Variants in AIRE observed in about 807,000 individuals in gnomAD.
AIRE encodes the protein autoimmune polyendocrinopathy candidiasis ectodermal dystrophy protein.
In AIRE, 52 loss-of-function variants were observed where a neutral mutation model predicts 62.1. The observed-to-expected ratio is 0.84, with a 90% CI of 0.67 to 1.06. The LOEUF (loss-of-function observed/expected upper bound fraction) is 1.06, where lower values mean the gene tolerates loss of function less well. AIRE is among the 50% of genes least tolerant of loss of function. AIRE has a pLI of 0.00. For missense variants in AIRE, 774 were observed against 755.8 expected (o/e 1.02, Z -0.28); for synonymous variants, 342 against 321.6 (o/e 1.06, Z -0.68).
Position 44,292,294 on chromosome 21 carries a change from A to C in AIRE, c.996-8A>C. ...CTGCATGTCTCTGACTGGTGGACAC[A>C]CGAGCAGTGGGACCTGGAGGTGCTC... On this transcript the variant is annotated splice_polypyrimidine_tract_variant and splice_region_variant and intron_variant, in intron 8 of 13. Transcript: ENST00000291582. 1 of 1,566,066 alleles carries C rather than the reference A, an allele frequency of 6.4e-7. No homozygotes were observed.
chr21:44,292,376 C>T lies in AIRE; in HGVS notation c.1070C>T (p.Pro357Leu). The change falls in exon 9 of 14, where the codon CCC becomes CTC. Residue 357 changes from proline (P) to leucine (L), a missense_variant. By Grantham distance (98) the Pro-to-Leu change is moderately conservative (BLOSUM62 -3). Transcript: ENST00000291582. ...CAGCCCCGGGCAGAGGAGCCCCGGC[C>T]CCAGGAGCCACCCGTGGAGACCCCG... ...EVQPRAEEPRPQEPPVETPLP... is the reference protein window; with the variant it reads ...EVQPRAEEPRLQEPPVETPLP... The T allele has an allele frequency of 6.4e-7, 1 of 1,560,314 alleles. No individual in the cohort carries two copies. The highest frequency in any genetic ancestry group is 8.7e-7 in the Non-Finnish European group (1 of 1,152,098).
chr21:44,291,076 C>G lies in AIRE; in HGVS notation c.880-19C>G. The G allele has an allele frequency of 6.2e-7, 1 of 1,613,220 alleles. No individual in the cohort carries two copies. The highest frequency in any genetic ancestry group is 8.5e-7 in the Non-Finnish European group (1 of 1,179,820). ...TGCACCCCAGCCCAGTCTGCATGGGCGTCTCTTGCCTGTGCCAGAAGAATG... is the reference window on the plus strand; with the variant it reads ...TGCACCCCAGCCCAGTCTGCATGGGGGTCTCTTGCCTGTGCCAGAAGAATG... On this transcript the variant is annotated intron_variant, in intron 7 of 13. Transcript: ENST00000291582.
At chr21:44,295,605 A>G (rs532459427) in intron 12 of AIRE, among the ~76,000 whole-genome samples, 6 of 152,354 alleles carry the variant, frequency 3.9e-5, no homozygotes. Flanking sequence ...GTCTCTGAAC[A>G]GCAGAGACCT....
rs757010218 is a variant in AIRE at position 44,297,645 on chromosome 21, C to G, written c.1567-11C>G. ...GCACCTGGAGGTTCTCACCGTCACT[C>G]TGTCCCGCAGCACACCTTCGATGGC... is the stretch of plus-strand genomic sequence containing the variant. On this transcript the variant is annotated splice_polypyrimidine_tract_variant and intron_variant, in intron 13 of 13. Transcript: ENST00000291582. The surrounding 1 kb of genome is among the most constrained non-coding windows in gnomAD (Gnocchi z 4.8). 1.2e-6 allele frequency: 2 copies of G among 1,609,778 alleles called. No individual in the cohort carries two copies. Among genetic ancestry groups the G allele is most frequent in the Non-Finnish European group, 1.7e-6 (2 of 1,178,186 alleles).
intron 7 of AIRE, chr21:44,290,833 C>G: frequency 6.4e-7 from 1 of 1,574,798 alleles, no homozygotes; most frequent in South Asian, 1.1e-5. Context: ...GTTCCGGGGC[C>G]CCTGGAACGC....
chr21:44,291,998 C>T (rs1210040926), intron 8 of AIRE, among the ~76,000 whole-genome samples: 1 of 152,172 alleles, frequency 6.6e-6, no homozygotes, highest in African/African-American at 2.4e-5. Context: ...GGGAGGCCCC[C>T]GGCAGGGCCC....
At chr21:44,294,594 C>T in intron 12 of AIRE, 91 bp downstream of exon 12, 1 of 608,094 alleles carries the variant, frequency 1.6e-6, no homozygotes, top group Non-Finnish European at 2.6e-6. Context: ...CAGGGCAGAC[C>T]CTGGGTGCCA....
rs1460201142 is a variant in AIRE at position 44,290,058 on chromosome 21, A to G, written c.869A>G (p.Gln290Arg). 6.2e-7 allele frequency: 1 copy of G among 1,610,200 alleles called. No homozygotes were observed. The highest frequency in any genetic ancestry group is 8.5e-7 in the Non-Finnish European group (1 of 1,178,222). The change falls in exon 7 of 14, where the codon CAG becomes CGG. Residue 290 changes from glutamine to arginine, a missense_variant. Gln to Arg is a conservative substitution (Grantham distance 43). Around this residue, in one of 3 missense-constraint regions of AIRE, gnomAD observed 385 missense variants for 396.0 expected, o/e 0.97. Transcript: ENST00000291582. The stretch of plus-strand genomic sequence containing the variant: ...CCTCTGGCCCTCCCCAGTGACCCCC[A>G]GCTCCACCAGGTAATGCCCTAGACC... ...PAPLALPSDP[Q>R]LHQKNEDECA... is the part of the protein sequence containing the mutation.
At chr21:44,294,028 C>T in intron 11 of AIRE, 118 bp downstream of exon 11, 1 of 1,345,092 alleles carries the variant, frequency 7.4e-7, no homozygotes. Context: ...CCCCACACTC[C>T]CACCCACACC....
intron 12 of AIRE, 98 bp from the exon 13 acceptor site, chr21:44,296,285 T>C: frequency 9.3e-7 from 1 of 1,077,914 alleles, no homozygotes; most frequent in Non-Finnish European, 1.4e-6. Flanking sequence ...CATCTCAGTG[T>C]GGGGGAAACA....
Position 44,294,466 on chromosome 21 carries a change from C to T in AIRE, c.1466C>T (p.Ala489Val), listed in dbSNP as rs2146385893. The part of the protein sequence containing the change: ...VTPAPVEGVL[A>V]PSPARLAPGP... ...CCAGCCCCTGTGGAGGGGGTGCTGG[C>T]CCCCAGCCCCGCCCGCCTGGCCCCT... The change falls in exon 12 of 14, where the codon GCC becomes GTC. Residue 489 changes from alanine to valine, a missense_variant. Around this residue, in one of 3 missense-constraint regions of AIRE, gnomAD observed 354 missense variants for 296.1 expected, o/e 1.20. Coordinates refer to ENST00000291582, the MANE Select transcript of AIRE (RefSeq NM_000383.4). 1 of 1,555,750 alleles carries T rather than the reference C, an allele frequency of 6.4e-7. No homozygotes were observed.
chr21:44,290,392 G>A (rs1032800824), intron 7 of AIRE: 8 of 985,422 alleles, frequency 8.1e-6, no homozygotes, highest in Non-Finnish European at 9.6e-6. Flanking sequence ...AGGATCCACT[G>A]GGAATGCCAT....
chr21:44,294,780 G>A (rs554863665), intron 12 of AIRE, among the ~76,000 whole-genome samples: 48 of 152,320 alleles, frequency 3.2e-4, no homozygotes, highest in African/African-American at 1.1e-3. Flanking sequence ...ATGAGCCTGA[G>A]AGTCCTGCCA....
At position 44,290,055 on chromosome 21, in the gene AIRE, C is replaced by A. The variant is rs761523201; in HGVS notation, c.866C>A (p.Pro289His). The A allele has an allele frequency of 1.2e-6, 2 of 1,612,062 alleles. No homozygotes were observed. Among genetic ancestry groups the A allele is most frequent in the East Asian group, 2.2e-5 (1 of 44,876 alleles). Residue 289 changes from proline to histidine, a missense_variant, in exon 7 of 14, where the codon CCC (proline) becomes CAC (histidine). This residue lies in a region of AIRE where 385 missense variants were observed against 396.0 expected (regional missense o/e 0.97). Transcript: ENST00000291582. ...VPAPLALPSD[P>H]QLHQKNEDEC... ...GCCCCTCTGGCCCTCCCCAGTGACC[C>A]CCAGCTCCACCAGGTAATGCCCTAG...
chr21:44,291,240 G>GTTCCTCT (rs2040537002), intron 8 of AIRE, 30 bp downstream of exon 8: 3 of 1,596,334 alleles, frequency 1.9e-6, no homozygotes, highest in South Asian at 1.1e-5. Flanking sequence ...AGCGCAACCA[G>GTTCCTCT]GCCACCCCGG....
intron 11 of AIRE, 98 bp downstream of exon 11, chr21:44,294,008 C>T: frequency 6.9e-7 from 1 of 1,451,442 alleles, no homozygotes; most frequent in Non-Finnish European, 9.2e-7. Context: ...ACAACCACAC[C>T]CCACCCACAC....
chr21:44,293,704 A>T (rs2040569531), intron 10 of AIRE, 85 bp from the exon 11 acceptor site: 2 of 1,581,714 alleles, frequency 1.3e-6, no homozygotes, highest in Non-Finnish European at 1.7e-6. Flanking sequence ...GGGTGGTCCC[A>T]GGGGAGAGCG....
chr21:44,285,906 G>A lies in AIRE; in HGVS notation c.-101G>A, dbSNP rs1352233687. The A allele has an allele frequency of 8.3e-7, 1 of 1,205,488 alleles. No individual in the cohort carries two copies. Among genetic ancestry groups the A allele is most frequent in the African/African-American group, 1.6e-5 (1 of 60,862 alleles). The allele number at this position is 1,205,488 out of a possible 1,614,324, so 74.7% of individuals were successfully genotyped here. ...GACGGGCGGGCGCACAGCCGGCGCG[G>A]AGGCCCCACAGCCCCGCCGGGACCC... On this transcript the variant is annotated 5_prime_UTR_variant, in exon 1 of 14. Transcript: ENST00000291582.
chr21:44,291,231 G>A, intron 8 of AIRE, 21 bp downstream of exon 8: 1 of 1,597,306 alleles, frequency 6.3e-7, no homozygotes. Context: ...ACCTCTGCCA[G>A]CGCAACCAGG....
Sources: gnomAD v4.1 joint callset for allele counts (sites outside exome capture counted in the v4.1 genomes callset) on GRCh38, gnomAD v4.1.1 for gene constraint, gnomAD v4.1.1 regional missense constraint, Gnocchi (gnomAD v3.1) non-coding constraint, MANE v1.5 for transcripts, NCBI Gene and HGNC (gene_info 2026-07-23, HGNC 2026-07-21) for gene names.